The following CLDN16 variants were observed in gnomAD, a reference collection of about 807,000 sequenced individuals.
CLDN16 encodes claudin 16, also known as claudin-16.
CLDN16 carries 13 observed loss-of-function variants against 24.6 expected under a neutral mutation model. The observed-to-expected ratio is 0.53, with a 90% CI of 0.34 to 0.84. The LOEUF (loss-of-function observed/expected upper bound fraction) is 0.84, where lower values mean the gene tolerates loss of function less well. Ranked by LOEUF, CLDN16 falls within the 40% of genes least tolerant of loss-of-function variation. The probability of loss-of-function intolerance (pLI) is 0.01; values close to 1 mark genes in which losing one functional copy is unlikely to be tolerated. For synonymous variants in CLDN16, 116 were observed against 106.7 expected, an observed-to-expected ratio of 1.09 and a Z score of -0.54; for missense variants, 298 against 292.7, an observed-to-expected ratio of 1.02 and a Z score of -0.13.
the CLDN16 span, among the ~76,000 whole-genome samples, chr3:190,302,777 A>ATAT: frequency 3.5e-5 from 4 of 113,892 alleles, no homozygotes; most frequent in African/African-American, 1.2e-4. Context: ...GTCTCAAAAA[A>ATAT]AAATATATAT....
intron 3 of CLDN16, among the ~76,000 whole-genome samples, chr3:190,377,552 A>C (rs1397743639): frequency 6.6e-6 from 1 of 151,986 alleles, no homozygotes; most frequent in Non-Finnish European, 1.5e-5. Context: ...TCTCTGTTTA[A>C]AGTCTCCTTA....
At chr3:190,310,215 T>A in the CLDN16 span, 1 of 1,613,958 alleles carries the variant, frequency 6.2e-7, no homozygotes, top group South Asian at 1.1e-5. Context: ...TGAACGATTC[T>A]ATTGCCATAC....
At chr3:190,343,819 G>A (rs1307453227) in intron 1 of CLDN16, among the ~76,000 whole-genome samples, 1 of 152,068 alleles carries the variant, frequency 6.6e-6, no homozygotes, top group Non-Finnish European at 1.5e-5. Flanking sequence ...GTTCAGGTCT[G>A]GGGGAGAAAA....
chr3:190,304,534 T>G, the CLDN16 span, among the ~76,000 whole-genome samples: 96,185 of 151,620 alleles, frequency 0.63, 31,099 homozygotes, highest in African/African-American at 0.75. Context: ...ATTTCCAGAG[T>G]TTCCAGAGGT....
chr3:190,409,226 GCA>G (rs1719200277), intron 4 of CLDN16, among the ~76,000 whole-genome samples: 1 of 151,944 alleles, frequency 6.6e-6, no homozygotes, highest in African/African-American at 2.4e-5. Flanking sequence ...ACACGTATAT[GCA>G]TGTATATATG....
chr3:190,329,679 A>C (rs2108622128), intron 1 of CLDN16, among the ~76,000 whole-genome samples: 1 of 152,354 alleles, frequency 6.6e-6, no homozygotes, highest in East Asian at 1.9e-4. Context: ...ATGCTCATGC[A>C]AATCATTAAC....
intron 1 of CLDN16, among the ~76,000 whole-genome samples, chr3:190,361,137 GAT>G (rs1717879597): frequency 6.6e-6 from 1 of 152,060 alleles, no homozygotes; most frequent in East Asian, 1.9e-4. Context: ...GTAATAATAT[GAT>G]TTCATTCTTT....
At position 190,410,335 on chromosome 3, in the gene CLDN16, A is replaced by G. The variant is rs181803078; in HGVS notation, c.*299A>G. On this transcript the variant is annotated 3_prime_UTR_variant, in exon 5 of 5. Coordinates refer to ENST00000264734, the MANE Select transcript of CLDN16 (RefSeq NM_006580.4). ...TTCTATATAGCTATTAGAGATTATG[A>G]CATAGTAATATTAAAATGAAATGAT... 1.6e-4 allele frequency: 44 copies of G among 283,126 alleles called. No homozygotes were observed. Among genetic ancestry groups the G allele is most frequent in the Non-Finnish European group, 1.8e-4 (27 of 148,950 alleles). The allele number at this position is 283,126 out of a possible 1,614,324, so 17.5% of individuals were successfully genotyped here.
chr3:190,371,566 A>T (rs982246867), intron 2 of CLDN16, among the ~76,000 whole-genome samples: 2 of 151,942 alleles, frequency 1.3e-5, no homozygotes, highest in African/African-American at 4.8e-5. Flanking sequence ...TCTTGAAATT[A>T]CATTCCCAGC....
chr3:190,400,994 T>G (rs1024163878), intron 1 of CLDN16, among the ~76,000 whole-genome samples: 1 of 152,188 alleles, frequency 6.6e-6, no homozygotes, highest in African/African-American at 2.4e-5. Flanking sequence ...AAATGGATGA[T>G]AAATAATATC....
At chr3:190,363,576 A>ATG (rs1717952168) in intron 1 of CLDN16, among the ~76,000 whole-genome samples, 4 of 134,088 alleles carry the variant, frequency 3.0e-5, no homozygotes, top group Admixed American at 1.5e-4. Flanking sequence ...ATATATATAT[A>ATG]TATATATATA....
chr3:190,409,570 G>A (rs1173653943), intron 4 of CLDN16, among the ~76,000 whole-genome samples: 2 of 151,840 alleles, frequency 1.3e-5, no homozygotes, highest in Admixed American at 6.6e-5. Context: ...AAACTGAGAA[G>A]TGGACTAAGA....
chr3:190,291,607 A>T, the CLDN16 span, among the ~76,000 whole-genome samples: 1 of 152,142 alleles, frequency 6.6e-6, no homozygotes, highest in East Asian at 1.9e-4. Context: ...ACAAAGCAAA[A>T]CCATATTATT....
the CLDN16 span, among the ~76,000 whole-genome samples, chr3:190,295,583 A>G: frequency 1.3e-5 from 2 of 152,192 alleles, no homozygotes; most frequent in South Asian, 2.1e-4. Context: ...ACAACCTGAG[A>G]TCACAGAGCA....
intron 3 of CLDN16, 82 bp downstream of exon 3, chr3:190,405,008 T>A: frequency 7.0e-7 from 1 of 1,421,236 alleles, no homozygotes; most frequent in Non-Finnish European, 9.9e-7. Flanking sequence ...GTGCTGAAGC[T>A]GCTCATTTTC....
intron 1 of CLDN16, among the ~76,000 whole-genome samples, chr3:190,356,960 T>C (rs1472726894): frequency 6.6e-6 from 1 of 151,926 alleles, no homozygotes; most frequent in Non-Finnish European, 1.5e-5. Flanking sequence ...CTATGTAGAT[T>C]ATACACAGCC....
At chr3:190,296,000 A>C in the CLDN16 span, among the ~76,000 whole-genome samples, 1 of 152,050 alleles carries the variant, frequency 6.6e-6, no homozygotes, top group South Asian at 2.1e-4. Context: ...CTAAATGAAG[A>C]GTTTTCTTCC....
intron 1 of CLDN16, among the ~76,000 whole-genome samples, chr3:190,362,202 A>C (rs1717903582): frequency 6.6e-6 from 1 of 151,850 alleles, no homozygotes; most frequent in Non-Finnish European, 1.5e-5. Context: ...CATGGCTGTG[A>C]AAGAACGAAC....
At chr3:190,331,755 C>A (rs1286178935) in intron 1 of CLDN16, among the ~76,000 whole-genome samples, 3 of 152,150 alleles carry the variant, frequency 2.0e-5, no homozygotes, top group Non-Finnish European at 2.9e-5. Context: ...TGAATTACCA[C>A]AAATTTAGTG....
Sources: gnomAD v4.1 joint callset for allele counts (sites outside exome capture counted in the v4.1 genomes callset) on GRCh38, gnomAD v4.1.1 for gene constraint, MANE v1.5 for transcripts, NCBI Gene and HGNC (gene_info 2026-07-23, HGNC 2026-07-21) for gene names.